PKP4: variants seen among roughly 807,000 people sequenced by gnomAD.
PKP4 encodes plakophilin 4.
A neutral mutation model predicts 145.1 loss-of-function variants in PKP4; 90 were observed. The ratio of observed to expected loss-of-function variants is 0.62; its 90% CI spans 0.52 to 0.74. The LOEUF is 0.74. Among genes scored for constraint, PKP4 ranks in the 30% least tolerant of loss-of-function variants. The pLI, the probability that PKP4 is intolerant of heterozygous loss-of-function variation, is 0.00. For synonymous variants in PKP4, 563 were observed against 577.2 expected, an observed-to-expected ratio of 0.98 and a Z score of 0.35; for missense variants, 1,340 against 1,482.7, an observed-to-expected ratio of 0.90 and a Z score of 1.58.
At chr2:158,572,090 G>A (rs757074097) in intron 2 of PKP4, among the ~76,000 whole-genome samples, 6 of 152,012 alleles carry the variant, frequency 3.9e-5, no homozygotes, top group Non-Finnish European at 8.8e-5. Flanking sequence ...AGAAGAAAGA[G>A]ATTTCACACC....
intron 2 of PKP4, among the ~76,000 whole-genome samples, chr2:158,540,480 G>C (rs2044420086): frequency 6.6e-6 from 1 of 152,144 alleles, no homozygotes; most frequent in Non-Finnish European, 1.5e-5. Flanking sequence ...ACTTTGTCAA[G>C]GAATGGGTTG....
intron 2 of PKP4, among the ~76,000 whole-genome samples, chr2:158,553,013 A>G (rs954829955): frequency 6.6e-6 from 1 of 152,168 alleles, no homozygotes; most frequent in African/African-American, 2.4e-5. Flanking sequence ...TACTGGTAGA[A>G]AACTTAGCTG....
chr2:158,459,586 T>C (rs1442589492), intron 1 of PKP4, among the ~76,000 whole-genome samples: 1 of 152,244 alleles, frequency 6.6e-6, no homozygotes, highest in Non-Finnish European at 1.5e-5. Context: ...GTTTAATTTG[T>C]GTCCAGTAAC....
At chr2:158,497,074 C>G (rs1400682652) in intron 1 of PKP4, among the ~76,000 whole-genome samples, 2 of 152,038 alleles carry the variant, frequency 1.3e-5, no homozygotes, top group African/African-American at 4.8e-5. Context: ...TTCTTCAGCT[C>G]TAGGAACTTG....
At position 158,669,701 on chromosome 2, in the gene PKP4, A is replaced by G. The variant is rs929976964; in HGVS notation, c.2729-19A>G. On this transcript the variant is annotated intron_variant, in intron 16 of 21. Coordinates refer to ENST00000389759, the MANE Select transcript of PKP4 (RefSeq NM_003628.6). ...CTAGTACCTTCTGGAAGTAGAATTT[A>G]CTCTTTTGCCGTTGGCAGGCAAATA... is the stretch of plus-strand genomic sequence containing the variant. The G allele has an allele frequency of 3.3e-6, 5 of 1,508,576 alleles. No individual in the cohort carries two copies. Among genetic ancestry groups the G allele is most frequent in the Non-Finnish European group, 1.8e-6 (2 of 1,121,344 alleles). The allele number at this position is 1,508,576 out of a possible 1,614,324, so 93.4% of individuals were successfully genotyped here. A position where few individuals can be genotyped will look rare whatever the true frequency, so the allele number is the denominator to read the frequency against.
In PKP4 at chr2:158,471,191, C is replaced by G. The variant is rs539443683; in HGVS notation, c.-6+13973C>G. ...AGTTTTAAGATAGAGTGGACTTAAG[C>G]GTGGTAATGGATGGAGTGAGGAAAG... On this transcript the variant is annotated intron_variant, in intron 1 of 21. Coordinates refer to ENST00000389759, the MANE Select transcript of PKP4 (RefSeq NM_003628.6). Among the ~76,000 whole-genome samples the G allele has an allele frequency of 1.5e-3, 222 of 152,120 alleles. 1 individual carries two copies. The highest frequency in any genetic ancestry group is 5.2e-3 in the African/African-American group (214 of 41,494).
At chr2:158,533,147 G>C (rs748617266) in intron 1 of PKP4, 33 bp from the exon 2 acceptor site, 33 of 1,572,002 alleles carry the variant, frequency 2.1e-5, no homozygotes, top group Non-Finnish European at 2.7e-5. Flanking sequence ...GAGCCCAGAA[G>C]AAAGTGTTAA....
At position 158,533,264 on chromosome 2, in the gene PKP4, G is replaced by T. The variant is rs2043734789; in HGVS notation, c.80G>T (p.Gly27Val). ...CAGGAAGCTGCCTCCACTGGCCCAG[G>T]CATGGAACCCGAGACCACAGCCACC... The part of the protein sequence containing the change: ...TRQEAASTGP[G>V]MEPETTATTI... The change falls in exon 2 of 22, where the codon GGC (glycine) becomes GTC (valine). Residue 27 changes from glycine to valine, a missense_variant. Gly to Val is a moderately radical substitution (Grantham distance 109). Transcript: ENST00000389759. The T allele has an allele frequency of 6.2e-7, 1 of 1,614,146 alleles. No homozygotes were observed. Among genetic ancestry groups the T allele is most frequent in the East Asian group, 2.2e-5 (1 of 44,882 alleles).
chr2:158,669,922 C>G lies in PKP4; in HGVS notation c.2924+7C>G, dbSNP rs1425248506. On this transcript the variant is annotated splice_region_variant and intron_variant, in intron 17 of 21. Coordinates refer to ENST00000389759, the MANE Select transcript of PKP4 (RefSeq NM_003628.6). ...CCAAAGGCAGGGGCGACAGGCAAGT[C>G]TGCGGCAAGGAGGTGCAAGCAGTGC... 6.2e-7 allele frequency: 1 copy of G among 1,604,206 alleles called. No individual in the cohort carries two copies. Among genetic ancestry groups the G allele is most frequent in the East Asian group, 2.2e-5 (1 of 44,740 alleles).
chr2:158,508,298 A>G (rs983240528), intron 1 of PKP4, among the ~76,000 whole-genome samples: 4 of 148,628 alleles, frequency 2.7e-5, no homozygotes, highest in Non-Finnish European at 5.9e-5. Flanking sequence ...CTGGAGGGGC[A>G]GAGGATGCAG....
rs776191849 is a variant in PKP4, at chr2:158,673,951, T to C, written c.3078T>C (p.His1026=). The C allele has an allele frequency of 6.2e-7, 1 of 1,613,090 alleles. No individual in the cohort carries two copies. The highest frequency in any genetic ancestry group is 8.5e-7 in the Non-Finnish European group (1 of 1,179,030). The stretch of plus-strand genomic sequence containing the variant: ...TGGAGCGAGACCGATTCAAATCACA[T>C]CCTTCCTTGTCTACCACCAACCAAC... ...STLERDRFKS[H]PSLSTTNQQM... is the part of the protein sequence containing the mutation. Residue 1026 remains histidine (H), a synonymous_variant, in exon 19 of 22, where the codon CAT becomes CAC. Transcript: ENST00000389759.
At chr2:158,511,249 G>A (rs1452282880) in intron 1 of PKP4, among the ~76,000 whole-genome samples, 3 of 152,180 alleles carry the variant, frequency 2.0e-5, no homozygotes, top group African/African-American at 7.2e-5. Context: ...AGCTGGGCGT[G>A]GTGGCACACA....
chr2:158,553,112 C>G (rs1335923968), intron 2 of PKP4, among the ~76,000 whole-genome samples: 2 of 152,190 alleles, frequency 1.3e-5, no homozygotes, highest in Non-Finnish European at 2.9e-5. Flanking sequence ...GTAGAAGGTA[C>G]AGCCTGGTTT....
At chr2:158,525,848 A>G (rs1046766225) in intron 1 of PKP4, among the ~76,000 whole-genome samples, 9 of 148,752 alleles carry the variant, frequency 6.1e-5, no homozygotes, top group Admixed American at 1.3e-4. Context: ...AGAGAATACT[A>G]CAAACACCTC....
intron 9 of PKP4, among the ~76,000 whole-genome samples, chr2:158,639,237 C>T (rs1224686683): frequency 6.6e-6 from 1 of 152,130 alleles, no homozygotes; most frequent in Non-Finnish European, 1.5e-5. Flanking sequence ...GCAGAGAAGA[C>T]CCTGTAAATA....
At chr2:158,567,898 G>A (rs1437486249) in intron 2 of PKP4, among the ~76,000 whole-genome samples, 1 of 152,204 alleles carries the variant, frequency 6.6e-6, no homozygotes, top group Admixed American at 6.5e-5. Flanking sequence ...AATGTGCAAG[G>A]AATGGGATAA....
At chr2:158,618,735 T>G (rs1048645072) in intron 4 of PKP4, among the ~76,000 whole-genome samples, 1 of 148,362 alleles carries the variant, frequency 6.7e-6, no homozygotes, top group African/African-American at 2.5e-5. Context: ...TCTTTTTCTG[T>G]TTTTTTTTTA....
rs572184497 is a variant in PKP4, at chr2:158,669,820, C to T, written c.2829C>T (p.His943=). 75 of 1,614,060 alleles carry T rather than the reference C, an allele frequency of 4.6e-5. No individual in the cohort carries two copies. Among genetic ancestry groups the T allele is most frequent in the East Asian group, 4.2e-4 (19 of 44,884 alleles). ...ETMAAICCAL[H]EVTSKNMENA... is the part of the protein sequence containing the mutation. ...TGGCAGCCATCTGCTGTGCTCTGCA[C>T]GAGGTCACCAGCAAAAACATGGAGA... is the stretch of plus-strand genomic sequence containing the variant. Residue 943 remains histidine (H), a synonymous_variant, in exon 17 of 22, where the codon CAC becomes CAT. Transcript: ENST00000389759.
At chr2:158,577,751 A>C (rs1308486436) in intron 3 of PKP4, among the ~76,000 whole-genome samples, 1 of 152,172 alleles carries the variant, frequency 6.6e-6, no homozygotes, top group Non-Finnish European at 1.5e-5. Context: ...AATATTTCTA[A>C]ATAAGATTGC....
Sources: allele counts gnomAD v4.1 joint callset (sites outside exome capture counted in the v4.1 genomes callset), GRCh38; gene constraint gnomAD v4.1.1; transcripts MANE v1.5; gene names NCBI Gene and HGNC (gene_info 2026-07-23, HGNC 2026-07-21).